The following GABRA3 variants were observed in gnomAD, a reference collection of about 807,000 sequenced individuals.
GABRA3 encodes the protein gamma-aminobutyric acid type A receptor subunit alpha3.
GABRA3 carries 10 observed loss-of-function variants against 30.1 expected under a neutral mutation model. The observed-to-expected ratio is 0.33, with a 90% CI of 0.20 to 0.56. The LOEUF is 0.56. Ranked by LOEUF, GABRA3 falls within the 20% of genes least tolerant of loss-of-function variation. The pLI, the probability that GABRA3 is intolerant of heterozygous loss-of-function variation, is 0.89. For missense variants in GABRA3, 233 were observed against 392.0 expected (o/e 0.59, Z 3.42); for synonymous variants, 151 against 146.8 (o/e 1.03, Z -0.21).
chrX:152,179,376 C>T (rs981714428), intron 9 of GABRA3, among the ~76,000 whole-genome samples: 1 of 110,752 alleles, frequency 9.0e-6, no homozygotes, highest in African/African-American at 3.3e-5. Context: ...ACTTGTTGTA[C>T]GATAGGGTCT....
At chrX:152,332,900 T>G (rs1357761373) in intron 3 of GABRA3, among the ~76,000 whole-genome samples, 1 of 112,452 alleles carries the variant, frequency 8.9e-6, no homozygotes, top group Non-Finnish European at 1.9e-5. Flanking sequence ...GGAATTCAAA[T>G]TCAGCAGCTT....
At chrX:152,266,303 C>T (rs1938822867) in intron 4 of GABRA3, among the ~76,000 whole-genome samples, 1 of 111,677 alleles carries the variant, frequency 9.0e-6, no homozygotes, top group Admixed American at 9.5e-5. Flanking sequence ...GGGATTTATC[C>T]CTGGGATTCA....
chrX:152,351,969 C>T (rs1351745475), intron 2 of GABRA3, among the ~76,000 whole-genome samples: 1 of 111,277 alleles, frequency 9.0e-6, no homozygotes. Context: ...CAATATTTAC[C>T]GATTAAGTCC....
At chrX:152,341,724 T>A (rs138911409) in intron 3 of GABRA3, among the ~76,000 whole-genome samples, 3,232 of 107,820 alleles carry the variant, frequency 0.03, 105 homozygotes, top group African/African-American at 0.1. Flanking sequence ...GTATTTTTCG[T>A]AGAGACGGGG....
At chrX:152,366,131 A>G (rs11798735) in intron 1 of GABRA3, among the ~76,000 whole-genome samples, 12,207 of 111,173 alleles carry the variant, frequency 0.11, 539 homozygotes, top group South Asian at 0.14. Context: ...AGACAACTCC[A>G]AGCATAAGTA....
intron 3 of GABRA3, among the ~76,000 whole-genome samples, chrX:152,286,990 T>C (rs1939308088): frequency 1.8e-5 from 2 of 111,399 alleles, no homozygotes. Context: ...TTAAGGTTTC[T>C]CCCTTCAGAC....
intron 2 of GABRA3, among the ~76,000 whole-genome samples, chrX:152,353,456 C>T (rs1940507036): frequency 1.8e-5 from 2 of 111,154 alleles, no homozygotes; most frequent in South Asian, 7.5e-4. Flanking sequence ...GTTTTCTAGA[C>T]AAGAGTAAGC....
At chrX:152,401,293 C>A (rs1203080063) in intron 1 of GABRA3, among the ~76,000 whole-genome samples, 2 of 106,802 alleles carry the variant, frequency 1.9e-5, no homozygotes, top group Non-Finnish European at 3.8e-5. Flanking sequence ...TATATACACA[C>A]ACACACACAC....
chrX:152,174,596 G>C (rs1367802300), intron 9 of GABRA3, among the ~76,000 whole-genome samples: 3 of 112,163 alleles, frequency 2.7e-5, no homozygotes, highest in Admixed American at 9.4e-5. Context: ...CTTCTTTTGA[G>C]AAGTGTCTGT....
intron 1 of GABRA3, among the ~76,000 whole-genome samples, chrX:152,403,982 C>G (rs1000647417): frequency 1.8e-5 from 2 of 110,765 alleles, no homozygotes; most frequent in Non-Finnish European, 3.8e-5. Context: ...TTGGAGAACT[C>G]AAGCAGAAAA....
intron 3 of GABRA3, among the ~76,000 whole-genome samples, chrX:152,318,656 C>T (rs772666435): frequency 8.9e-6 from 1 of 112,048 alleles, no homozygotes; most frequent in Non-Finnish European, 1.9e-5. Flanking sequence ...ACCAGGGATG[C>T]AGGGATGATT....
chrX:152,196,950 C>G (rs1031974248), intron 8 of GABRA3, among the ~76,000 whole-genome samples: 54 of 112,292 alleles, frequency 4.8e-4, no homozygotes, highest in African/African-American at 1.6e-3. Flanking sequence ...CAAGTACACT[C>G]AAGTATATGC....
chrX:152,181,501 A>G (rs1323557485), intron 9 of GABRA3, among the ~76,000 whole-genome samples: 1 of 110,468 alleles, frequency 9.1e-6, no homozygotes, highest in African/African-American at 3.3e-5. Context: ...ATAAAAAATG[A>G]TGAGTTCATG....
Position 152,251,169 on chromosome X carries a change from T to C in GABRA3, c.551+4609A>G, listed in dbSNP as rs775346130. 1.0e-4 allele frequency: 32 copies of C among 317,372 alleles called. No individual in the cohort carries two copies. The East Asian group carries it at 1.8e-3, about 18-fold the overall frequency. The allele number at this position is 317,372 out of a possible 1,213,427, so 26.2% of individuals were successfully genotyped here. On this transcript the variant is annotated intron_variant, in intron 5 of 9. Coordinates refer to ENST00000370314, the MANE Select transcript of GABRA3 (RefSeq NM_000808.4). ...CATGCTTCTGTGCTTCTGTACTTCCTCTATTCTGTAAAACAGAATAAGCAC... is the reference window on the plus strand; with the variant it reads ...CATGCTTCTGTGCTTCTGTACTTCCCCTATTCTGTAAAACAGAATAAGCAC...
At chrX:152,416,645 C>T (rs1445914549) in intron 1 of GABRA3, among the ~76,000 whole-genome samples, 5 of 111,145 alleles carry the variant, frequency 4.5e-5, no homozygotes. Flanking sequence ...ACACAGTAAC[C>T]AAAACAGCAT....
intron 3 of GABRA3, among the ~76,000 whole-genome samples, chrX:152,338,126 C>T (rs1168644874): frequency 1.8e-5 from 2 of 111,758 alleles, no homozygotes; most frequent in Non-Finnish European, 3.8e-5. Flanking sequence ...GCATAGTGCC[C>T]ATACTGATTT....
At chrX:152,318,784 G>T in intron 3 of GABRA3, among the ~76,000 whole-genome samples, 1 of 111,666 alleles carries the variant, frequency 9.0e-6, no homozygotes, top group Non-Finnish European at 1.9e-5. Context: ...AAGAGCACTT[G>T]ACAAAATCCA....
Position 152,168,065 on chromosome X carries a change from G to T in GABRA3, c.*163C>A, listed in dbSNP as rs1936957597. Reference sequence around the variant, plus strand: ...TGGAGGGACAAGTAATTTTTCTGTAGTTATTTTTTGCGTAGAGATTCATAA... The same window carrying T: ...TGGAGGGACAAGTAATTTTTCTGTATTTATTTTTTGCGTAGAGATTCATAA... On this transcript the variant is annotated 3_prime_UTR_variant, in exon 10 of 10. Transcript: ENST00000370314. 2.2e-6 allele frequency: 1 copy of T among 457,717 alleles called. No individual in the cohort carries two copies. Among genetic ancestry groups the T allele is most frequent in the Non-Finnish European group, 3.8e-6 (1 of 266,309 alleles). The allele number at this position is 457,717 out of a possible 1,213,427, so 37.7% of individuals were successfully genotyped here.
intron 1 of GABRA3, among the ~76,000 whole-genome samples, chrX:152,381,793 A>G (rs1243776105): frequency 1.8e-5 from 2 of 110,394 alleles, no homozygotes; most frequent in Non-Finnish European, 3.8e-5. Context: ...GAGTGAGAAC[A>G]TGCGGTGTTT....
Sources: allele counts gnomAD v4.1 joint callset (sites outside exome capture counted in the v4.1 genomes callset), GRCh38; gene constraint gnomAD v4.1.1; transcripts MANE v1.5; gene names NCBI Gene and HGNC (gene_info 2026-07-23, HGNC 2026-07-21).